DSCAM: variants seen among roughly 807,000 people sequenced by gnomAD.
The protein encoded by DSCAM is DS cell adhesion molecule, also known as cell adhesion molecule DSCAM.
In DSCAM, 47 loss-of-function variants were observed where a neutral mutation model predicts 217.7. The observed-to-expected ratio is 0.22, with a 90% confidence interval of 0.17 to 0.28. DSCAM has a LOEUF of 0.28. DSCAM is among the 10% of genes least tolerant of loss of function. The pLI is 1.00. For missense variants in DSCAM, 2,080 were observed against 2,618.3 expected (o/e 0.79, Z 4.49); for synonymous variants, 1,056 against 1,015.3 (o/e 1.04, Z -0.76).
At chr21:40,478,498 T>C (rs151325193) in intron 3 of DSCAM, among the ~76,000 whole-genome samples, 118 of 152,312 alleles carry the variant, frequency 7.7e-4, no homozygotes, top group African/African-American at 2.6e-3. Context: ...AAATAGCAAA[T>C]TGTAAAAAGT....
At chr21:40,165,798 G>T (rs2090588495) in intron 16 of DSCAM, among the ~76,000 whole-genome samples, 1 of 152,184 alleles carries the variant, frequency 6.6e-6, no homozygotes, top group Admixed American at 6.5e-5. Context: ...AAACTTCACA[G>T]TCTTCAATTC....
intron 12 of DSCAM, among the ~76,000 whole-genome samples, chr21:40,188,400 G>T (rs1271910034): frequency 1.3e-5 from 2 of 152,150 alleles, no homozygotes; most frequent in Non-Finnish European, 2.9e-5. Context: ...AGGCAGGGCT[G>T]GGGGCCCGCA....
chr21:40,620,205 GAGAA>G (rs747895194), intron 3 of DSCAM, among the ~76,000 whole-genome samples: 13 of 119,084 alleles, frequency 1.1e-4, no homozygotes, highest in East Asian at 9.4e-4. Flanking sequence ...GAAAGAAAGA[GAGAA>G]AGAGAGAGAA....
At chr21:40,304,607 T>C (rs1189290939) in intron 9 of DSCAM, among the ~76,000 whole-genome samples, 2 of 152,238 alleles carry the variant, frequency 1.3e-5, no homozygotes, top group African/African-American at 2.4e-5. Flanking sequence ...TTCTAGCTTT[T>C]GATTTAAAGT....
chr21:40,021,236 C>CAT (rs1284220109), intron 32 of DSCAM, among the ~76,000 whole-genome samples: 1 of 130,842 alleles, frequency 7.6e-6, no homozygotes, highest in African/African-American at 2.8e-5. Context: ...AGAAAAGAAA[C>CAT]ATAGCTACGC....
intron 1 of DSCAM, among the ~76,000 whole-genome samples, chr21:40,715,777 A>G (rs1253653167): frequency 6.6e-6 from 1 of 152,174 alleles, no homozygotes; most frequent in East Asian, 1.9e-4. Context: ...CTTCAAGGCT[A>G]ATTAATTCCA....
intron 3 of DSCAM, among the ~76,000 whole-genome samples, chr21:40,547,458 C>T (rs2076592611): frequency 6.6e-6 from 1 of 152,172 alleles, no homozygotes; most frequent in Non-Finnish European, 1.5e-5. Context: ...AGCTGTCAGG[C>T]CTCATGAAAA....
chr21:40,302,578 C>G (rs998207830), intron 9 of DSCAM, among the ~76,000 whole-genome samples: 1 of 152,140 alleles, frequency 6.6e-6, no homozygotes, highest in Admixed American at 6.5e-5. Context: ...GGTTCAACTA[C>G]ATAATTACAT....
chr21:40,066,020 C>T (rs948630724), intron 27 of DSCAM, among the ~76,000 whole-genome samples: 6 of 152,218 alleles, frequency 3.9e-5, no homozygotes, highest in Admixed American at 1.3e-4. Flanking sequence ...TTTGCTAGTG[C>T]AAAGCCCTCC....
At chr21:40,178,421 G>GA (rs1370154159) in intron 15 of DSCAM, among the ~76,000 whole-genome samples, 3 of 152,050 alleles carry the variant, frequency 2.0e-5, no homozygotes, top group African/African-American at 4.8e-5. Context: ...GTTTGTAATA[G>GA]AAAAAAGAGC....
chr21:40,376,537 CGA>C (rs1491432365), intron 3 of DSCAM, among the ~76,000 whole-genome samples: 4 of 86,342 alleles, frequency 4.6e-5, no homozygotes, highest in African/African-American at 2.0e-4. Context: ...ATATAGATAT[CGA>C]TATATCTTAT....
At chr21:40,763,850 T>C (rs181901474) in intron 1 of DSCAM, among the ~76,000 whole-genome samples, 115 of 152,292 alleles carry the variant, frequency 7.6e-4, no homozygotes, top group African/African-American at 2.5e-3. Context: ...GGGGAAAGGA[T>C]TCCCTATTTA....
At chr21:40,508,561 G>A (rs1314266838) in intron 3 of DSCAM, among the ~76,000 whole-genome samples, 1 of 151,216 alleles carries the variant, frequency 6.6e-6, no homozygotes, top group Non-Finnish European at 1.5e-5. Context: ...TATTGCTGTT[G>A]TTGTTATCAT....
At chr21:40,345,889 T>A (rs765397442) in intron 6 of DSCAM, among the ~76,000 whole-genome samples, 10 of 152,178 alleles carry the variant, frequency 6.6e-5, no homozygotes, top group Admixed American at 2.6e-4. Context: ...AATCTGCGAG[T>A]GTGCTGGCGG....
chr21:40,457,553 C>A (rs573187833), intron 3 of DSCAM, among the ~76,000 whole-genome samples: 7 of 151,366 alleles, frequency 4.6e-5, no homozygotes, highest in African/African-American at 1.2e-4. Context: ...AACAAACAAA[C>A]AAAAAAACCT....
intron 1 of DSCAM, among the ~76,000 whole-genome samples, chr21:40,802,036 A>T (rs1248051298): frequency 1.3e-5 from 2 of 152,204 alleles, no homozygotes; most frequent in Admixed American, 6.5e-5. Context: ...TGGAGTCACC[A>T]GTAGCATGCA....
intron 4 of DSCAM, among the ~76,000 whole-genome samples, chr21:40,361,961 C>T (rs572162071): frequency 1.9e-4 from 29 of 152,232 alleles, no homozygotes; most frequent in African/African-American, 5.8e-4. Flanking sequence ...TATGATGTTC[C>T]CCCTCCTGTG....
intron 1 of DSCAM, among the ~76,000 whole-genome samples, chr21:40,742,486 C>T (rs1439257057): frequency 6.6e-6 from 1 of 152,218 alleles, no homozygotes; most frequent in East Asian, 1.9e-4. Flanking sequence ...CCTACTGACA[C>T]ACTGATTTTC....
intron 19 of DSCAM, among the ~76,000 whole-genome samples, chr21:40,125,210 A>C (rs1424782567): frequency 6.6e-6 from 1 of 152,220 alleles, no homozygotes; most frequent in Non-Finnish European, 1.5e-5. Flanking sequence ...AAGGCAGAAC[A>C]TGGTGGCAGC....
Sources: gnomAD v4.1 joint callset for allele counts (sites outside exome capture counted in the v4.1 genomes callset) on GRCh38, gnomAD v4.1.1 for gene constraint, MANE v1.5 for transcripts, NCBI Gene and HGNC (gene_info 2026-07-23, HGNC 2026-07-21) for gene names.